Variants in CHN2 observed in about 807,000 individuals in gnomAD.
CHN2 encodes the protein beta-chimaerin.
A neutral mutation model predicts 56.3 loss-of-function variants in CHN2; 35 were observed. That is an observed-to-expected ratio of 0.62 (90% CI 0.47 to 0.82). The LOEUF is 0.82. CHN2 is among the 40% of genes least tolerant of loss of function. The pLI, the probability that CHN2 is intolerant of heterozygous loss-of-function variation, is 0.00. For missense variants in CHN2, 491 were observed against 580.5 expected (o/e 0.85, Z 1.58); for synonymous variants, 210 against 212.8 (o/e 0.99, Z 0.12).
intron 1 of CHN2, among the ~76,000 whole-genome samples, chr7:29,205,354 T>C (rs1784442867): frequency 6.6e-6 from 1 of 152,192 alleles, no homozygotes. Flanking sequence ...TGTTATAAGC[T>C]CTAGGAAGCT....
At position 29,327,295 on chromosome 7, in the gene CHN2, C is replaced by T. The variant is rs550156343; in HGVS notation, c.50-27330C>T. Among the ~76,000 whole-genome samples the T allele has an allele frequency of 1.1e-4, 16 of 152,244 alleles. 1 individual carries two copies. The South Asian group carries it at 2.7e-3, about 26-fold the overall frequency. Reference sequence around the variant, plus strand: ...AACATGCAAATTCTCAGGCCCCATCCCAGACTGTTTGAACCAGAAAAGTTG... The same window carrying T: ...AACATGCAAATTCTCAGGCCCCATCTCAGACTGTTTGAACCAGAAAAGTTG... On this transcript the variant is annotated intron_variant, in intron 1 of 12. Transcript: ENST00000222792.
chr7:29,371,188 C>T (rs562204048), intron 3 of CHN2, among the ~76,000 whole-genome samples: 15 of 152,238 alleles, frequency 9.9e-5, no homozygotes, highest in African/African-American at 3.6e-4. Context: ...GAAGTGATGA[C>T]AGTATTCTCT....
chr7:29,511,770 CCCTTTTA>C (rs1205933507), intron 12 of CHN2, among the ~76,000 whole-genome samples: 4 of 152,108 alleles, frequency 2.6e-5, no homozygotes, highest in African/African-American at 9.6e-5. Flanking sequence ...AGAACCCATT[CCCTTTTA>C]CATCTATTAT....
At chr7:29,260,998 G>C (rs1279164602) in intron 1 of CHN2, among the ~76,000 whole-genome samples, 1 of 152,108 alleles carries the variant, frequency 6.6e-6, no homozygotes, top group Non-Finnish European at 1.5e-5. Context: ...ATTAGAACAT[G>C]ATTTTTTAAT....
chr7:29,513,853 C>A lies in CHN2; in HGVS notation c.*1118C>A, dbSNP rs537792637. 2 of 152,716 alleles carry A rather than the reference C, an allele frequency of 1.3e-5. No homozygotes were observed. Among genetic ancestry groups the A allele is most frequent in the East Asian group, 1.9e-4 (1 of 5,190 alleles). 9.5% of individuals were successfully genotyped at this position (152,716 alleles called of 1,614,324 possible). A position where few individuals can be genotyped will look rare whatever the true frequency, so the allele number is the denominator to read the frequency against. The stretch of plus-strand genomic sequence containing the variant: ...TAATATGATTTTATTACTACAGTTC[C>A]AGTCACTTGGTTATATTTATCTTAG... On this transcript the variant is annotated 3_prime_UTR_variant, in exon 13 of 13. Transcript: ENST00000222792.
intron 3 of CHN2, among the ~76,000 whole-genome samples, chr7:29,391,584 A>AGG (rs1219742967): frequency 6.6e-6 from 1 of 152,328 alleles, no homozygotes; most frequent in East Asian, 1.9e-4. Context: ...TTTCATTTTC[A>AGG]GAAGATTTGT....
intron 1 of CHN2, among the ~76,000 whole-genome samples, chr7:29,205,768 G>A (rs1307721636): frequency 6.6e-6 from 1 of 151,996 alleles, no homozygotes; most frequent in Non-Finnish European, 1.5e-5. Context: ...TCAATCCAAG[G>A]AACACCACTG....
In CHN2 at chr7:29,345,878, C is replaced by G. The variant is rs142677620; in HGVS notation, c.50-8747C>G. Among the ~76,000 whole-genome samples the G allele has an allele frequency of 3.5e-3, 529 of 152,244 alleles. 5 individuals carry two copies. The highest frequency in any genetic ancestry group is 0.012 in the African/African-American group (508 of 41,550). ...TCAGAAAGTCACTTACTTCCCTTGT[C>G]TTTGGGGCCCAGCCTCAGGGTCCAG... On this transcript the variant is annotated intron_variant, in intron 1 of 12. Transcript: ENST00000222792.
intron 6 of CHN2, among the ~76,000 whole-genome samples, chr7:29,417,332 CCT>C (rs1803865183): frequency 7.4e-6 from 1 of 134,312 alleles, no homozygotes; most frequent in African/African-American, 2.8e-5. Flanking sequence ...TTACTGTAAC[CCT>C]TTTTTTTTTT....
At chr7:29,442,616 C>T (rs1283219565) in intron 6 of CHN2, among the ~76,000 whole-genome samples, 1 of 152,206 alleles carries the variant, frequency 6.6e-6, no homozygotes, top group Non-Finnish European at 1.5e-5. Context: ...AGCCAGGTTT[C>T]AGTGTGCACA....
chr7:29,284,896 T>C (rs1792025338), intron 1 of CHN2, among the ~76,000 whole-genome samples: 2 of 152,208 alleles, frequency 1.3e-5, no homozygotes, highest in South Asian at 4.1e-4. Flanking sequence ...TCCTCCCTTC[T>C]CCAGGCAGCC....
At chr7:29,267,612 TGA>T (rs1790260162) in intron 1 of CHN2, among the ~76,000 whole-genome samples, 1 of 152,166 alleles carries the variant, frequency 6.6e-6, no homozygotes, top group Non-Finnish European at 1.5e-5. Context: ...GAGAAGAGTT[TGA>T]TGGAGTGAAT....
Position 29,435,894 on chromosome 7 carries a change from C to CTTTTTT in CHN2, c.576+35076_576+35081dup, listed in dbSNP as rs57786505. 5.8e-5 allele frequency among the ~76,000 whole-genome samples: 8 copies of CTTTTTT among 137,424 alleles called. No individual in the cohort carries two copies. The East Asian group carries it at 8.5e-4, about 15-fold the overall frequency. The allele number at this position is 137,424 out of a possible 152,430, so 90.2% of individuals were successfully genotyped here. A position where few individuals can be genotyped will look rare whatever the true frequency, so the allele number is the denominator to read the frequency against. ...CTCTAAATCCTATCAGAAGCGCCTC[C>CTTTTTT]TTTTTTTTTTTTTTTCTTTTTTCAT... On this transcript the variant is annotated intron_variant, in intron 6 of 12. Coordinates refer to ENST00000222792, the MANE Select transcript of CHN2 (RefSeq NM_004067.4).
At chr7:29,382,014 A>G (rs1273927609) in intron 3 of CHN2, among the ~76,000 whole-genome samples, 2 of 151,994 alleles carry the variant, frequency 1.3e-5, no homozygotes, top group Non-Finnish European at 2.9e-5. Flanking sequence ...TGCCCTTTGC[A>G]CCTTGCTTCT....
At chr7:29,494,830 A>G (rs1435712472) in intron 7 of CHN2, among the ~76,000 whole-genome samples, 1 of 151,912 alleles carries the variant, frequency 6.6e-6, no homozygotes, top group East Asian at 1.9e-4. Context: ...AATTACTAAC[A>G]TGTATGAATA....
intron 1 of CHN2, among the ~76,000 whole-genome samples, chr7:29,299,742 G>A (rs1315893864): frequency 6.6e-6 from 1 of 152,106 alleles, no homozygotes; most frequent in Non-Finnish European, 1.5e-5. Context: ...TATTTCCATT[G>A]AGCTTCTATT....
chr7:29,370,478 T>C (rs1051513409), intron 3 of CHN2, among the ~76,000 whole-genome samples: 62 of 152,284 alleles, frequency 4.1e-4, no homozygotes, highest in African/African-American at 1.4e-3. Context: ...TTACATCTCA[T>C]CCGTTAGCTA....
intron 2 of CHN2, among the ~76,000 whole-genome samples, chr7:29,172,577 CT>C (rs1378517332): frequency 6.6e-6 from 1 of 152,118 alleles, no homozygotes; most frequent in Non-Finnish European, 1.5e-5. Flanking sequence ...TGTTAACACC[CT>C]CCAGATAAAT....
chr7:29,499,844 T>C, intron 8 of CHN2, 23 bp from the exon 9 acceptor site: 1 of 1,543,444 alleles, frequency 6.5e-7, no homozygotes, highest in Non-Finnish European at 8.7e-7. Context: ...TGGGCTAGGC[T>C]AATGTGGCTT....
Sources: allele counts gnomAD v4.1 joint callset (sites outside exome capture counted in the v4.1 genomes callset), GRCh38; gene constraint gnomAD v4.1.1; transcripts MANE v1.5; gene names NCBI Gene and HGNC (gene_info 2026-07-23, HGNC 2026-07-21).